The following RAB9B variants were observed in gnomAD, a reference collection of about 807,000 sequenced individuals.
RAB9B encodes the protein RAB9B, member RAS oncogene family.
Under a neutral mutation model 8.9 loss-of-function variants are expected in RAB9B, and 1 was observed. The observed-to-expected ratio is 0.11, with a 90% CI of 0.04 to 0.53. The LOEUF (loss-of-function observed/expected upper bound fraction) is 0.53. Among genes scored for constraint, RAB9B ranks in the 20% least tolerant of loss-of-function variants. RAB9B has a pLI of 0.93. For missense variants in RAB9B, 82 were observed against 152.9 expected, an observed-to-expected ratio of 0.54 and a Z score of 2.45; for synonymous variants, 63 against 57.0, an observed-to-expected ratio of 1.10 and a Z score of -0.47.
chrX:103,814,358 A>G, the RAB9B span, among the ~76,000 whole-genome samples: 1 of 111,888 alleles, frequency 8.9e-6, no homozygotes, highest in Non-Finnish European at 1.9e-5. Context: ...AACGAAATGA[A>G]AGCAGAGATA....
chrX:103,788,526 G>C, the RAB9B span: 1 of 1,151,882 alleles, frequency 8.7e-7, no homozygotes, highest in Non-Finnish European at 1.2e-6. Context: ...TGGGTTATTT[G>C]GGTTATTTTA....
At chrX:103,815,672 A>C in the RAB9B span, among the ~76,000 whole-genome samples, 2 of 112,329 alleles carry the variant, frequency 1.8e-5, no homozygotes, top group Non-Finnish European at 3.8e-5. Context: ...ATGATTGTAT[A>C]TTTAGAAAAC....
the RAB9B span, among the ~76,000 whole-genome samples, chrX:103,778,039 T>C: frequency 8.9e-6 from 1 of 112,010 alleles, no homozygotes; most frequent in Admixed American, 9.4e-5. Flanking sequence ...GAGAACACTT[T>C]GAAGCATGTG....
the RAB9B span, among the ~76,000 whole-genome samples, chrX:103,803,745 T>C: frequency 8.9e-6 from 1 of 111,847 alleles, no homozygotes; most frequent in African/African-American, 3.3e-5. Context: ...GGCCAGCTAA[T>C]TTTTGTATTT....
the RAB9B span, chrX:103,789,550 TCTA>T: frequency 3.8e-6 from 2 of 520,647 alleles, no homozygotes; most frequent in African/African-American, 4.6e-5. Flanking sequence ...GCTCCGTACT[TCTA>T]CTTGCATTGG....
the RAB9B span, among the ~76,000 whole-genome samples, chrX:103,794,484 C>G: frequency 9.0e-6 from 1 of 111,548 alleles, no homozygotes; most frequent in Non-Finnish European, 1.9e-5. Flanking sequence ...ACAAGCTATT[C>G]AGTCTGGCCT....
At chrX:103,829,917 G>A (rs1037446523) in intron 1 of RAB9B, among the ~76,000 whole-genome samples, 1 of 111,560 alleles carries the variant, frequency 9.0e-6, no homozygotes, top group African/African-American at 3.3e-5. Flanking sequence ...GATTAGGTAG[G>A]TGCCCAGAAT....
chrX:103,785,715 A>G, the RAB9B span: 1 of 1,210,392 alleles, frequency 8.3e-7, no homozygotes, highest in South Asian at 1.8e-5. Flanking sequence ...CAGAAAAGCT[A>G]ATTGAGACCT....
chrX:103,786,979 C>A, the RAB9B span: 1 of 413,815 alleles, frequency 2.4e-6, no homozygotes, highest in African/African-American at 2.5e-5. Context: ...ATGCTTTGTA[C>A]AATCAGACCA....
the RAB9B span, chrX:103,791,043 G>A: frequency 6.6e-6 from 1 of 151,934 alleles, no homozygotes; most frequent in Non-Finnish European, 1.3e-5. Context: ...ATTCTCTTTG[G>A]TGTACAAAAT....
chrX:103,809,822 G>T, the RAB9B span, among the ~76,000 whole-genome samples: 18 of 107,268 alleles, frequency 1.7e-4, no homozygotes, highest in Non-Finnish European at 2.5e-4. Flanking sequence ...CAGAGGCAGG[G>T]TCTCTCTTTG....
chrX:103,810,974 G>A, the RAB9B span, among the ~76,000 whole-genome samples: 83 of 111,923 alleles, frequency 7.4e-4, no homozygotes, highest in Non-Finnish European at 1.4e-3. Context: ...GTCCAGGAGG[G>A]AAAGAACTGT....
At chrX:103,786,004 C>G in the RAB9B span, 1 of 422,112 alleles carries the variant, frequency 2.4e-6, no homozygotes, top group Non-Finnish European at 4.0e-6. Context: ...TGTTTTCTTA[C>G]ACGTGTTCTG....
At chrX:103,831,865 G>A (rs2074705363) in intron 1 of RAB9B, among the ~76,000 whole-genome samples, 195 bp downstream of exon 1, 1 of 110,754 alleles carries the variant, frequency 9.0e-6, no homozygotes, top group African/African-American at 3.3e-5. Flanking sequence ...GGATTACTCA[G>A]CAACGCCCCC....
chrX:103,828,993 T>A (rs2074693694), intron 1 of RAB9B, among the ~76,000 whole-genome samples: 1 of 111,964 alleles, frequency 8.9e-6, no homozygotes, highest in Non-Finnish European at 1.9e-5. Context: ...GAGCAGATAA[T>A]ACCTGCCCTA....
the RAB9B span, among the ~76,000 whole-genome samples, chrX:103,814,788 C>T: frequency 1.9e-4 from 21 of 111,817 alleles, no homozygotes; most frequent in South Asian, 7.4e-3. Flanking sequence ...TACAAACTAC[C>T]ATCAGAGAAT....
Position 103,824,272 on chromosome X carries a change from CT to C in RAB9B, c.*906del, listed in dbSNP as rs2074674588. 1 of 112,321 alleles carries C rather than the reference CT, an allele frequency of 8.9e-6. No individual in the cohort carries two copies. Among genetic ancestry groups the C allele is most frequent in the African/African-American group, 3.2e-5 (1 of 30,905 alleles). 9.3% of individuals were successfully genotyped at this position (112,321 alleles called of 1,213,427 possible). A position where few individuals can be genotyped will look rare whatever the true frequency, so the allele number is the denominator to read the frequency against. On this transcript the variant is annotated 3_prime_UTR_variant, in exon 3 of 3. Transcript: ENST00000243298. ...TGAGAAAAGTTCATTATCCCCCAAT[CT>C]TTTATGAAGCCTTCTCCATGAGCCC...
rs2074674401 is a variant in RAB9B, at chrX:103,824,237, A to C, written c.*942T>G. On this transcript the variant is annotated 3_prime_UTR_variant, in exon 3 of 3. Coordinates refer to ENST00000243298, the MANE Select transcript of RAB9B (RefSeq NM_016370.4). ...TCTTCTGCAATAAATATTTGAGTTA[A>C]GGAGCCTTGTGAGAAAAGTTCATTA... is the stretch of plus-strand genomic sequence containing the variant. 2 of 112,286 alleles carry C rather than the reference A, an allele frequency of 1.8e-5. No individual in the cohort carries two copies. Among genetic ancestry groups the C allele is most frequent in the Non-Finnish European group, 3.8e-5 (2 of 53,276 alleles). 9.3% of individuals were successfully genotyped at this position (112,286 alleles called of 1,213,427 possible). A position where few individuals can be genotyped will look rare whatever the true frequency, so the allele number is the denominator to read the frequency against.
At chrX:103,789,569 C>G in the RAB9B span, among the ~76,000 whole-genome samples, 2 of 111,489 alleles carry the variant, frequency 1.8e-5, no homozygotes, top group African/African-American at 6.5e-5. Context: ...ATTGGCAAGG[C>G]AGAAAGACAT....
Sources: allele counts gnomAD v4.1 joint callset (sites outside exome capture counted in the v4.1 genomes callset), GRCh38; gene constraint gnomAD v4.1.1; transcripts MANE v1.5; gene names NCBI Gene and HGNC (gene_info 2026-07-23, HGNC 2026-07-21).